Variants in KCNT2 observed in about 807,000 individuals in gnomAD.
KCNT2 encodes potassium sodium-activated channel subfamily T member 2.
Under a neutral mutation model 153.8 loss-of-function variants are expected in KCNT2, and 67 were observed. That is an observed-to-expected ratio of 0.44 (90% CI 0.36 to 0.53). The LOEUF (loss-of-function observed/expected upper bound fraction) is 0.53, where lower values mean the gene tolerates loss of function less well. Among genes scored for constraint, KCNT2 ranks in the 20% least tolerant of loss-of-function variants. KCNT2 has a pLI of 0.00. For missense variants in KCNT2, 975 were observed against 1,354.8 expected (o/e 0.72, Z 4.40); for synonymous variants, 500 against 458.8 (o/e 1.09, Z -1.15).
chr1:196,575,472 C>T (rs889187590), intron 1 of KCNT2, among the ~76,000 whole-genome samples: 2 of 152,036 alleles, frequency 1.3e-5, no homozygotes, highest in Non-Finnish European at 2.9e-5. Flanking sequence ...AATGGGAAAA[C>T]ATTTCAACCA....
chr1:196,422,416 A>G (rs943238080), intron 12 of KCNT2, among the ~76,000 whole-genome samples: 3 of 151,990 alleles, frequency 2.0e-5, no homozygotes, highest in African/African-American at 7.2e-5. Flanking sequence ...AATTTACTGA[A>G]CATAAAATAA....
At chr1:196,531,320 A>G (rs932326652) in intron 1 of KCNT2, among the ~76,000 whole-genome samples, 21 of 152,186 alleles carry the variant, frequency 1.4e-4, no homozygotes, top group African/African-American at 4.6e-4. Context: ...GAGTATTATA[A>G]CATCAAGAAA....
intron 8 of KCNT2, among the ~76,000 whole-genome samples, chr1:196,447,662 C>T (rs1675809665): frequency 6.6e-6 from 1 of 151,524 alleles, no homozygotes; most frequent in Non-Finnish European, 1.5e-5. Flanking sequence ...ATTGAATACT[C>T]AGTGTGAAGA....
intron 14 of KCNT2, among the ~76,000 whole-genome samples, chr1:196,349,195 G>C (rs1666404028): frequency 1.3e-5 from 2 of 152,054 alleles, no homozygotes; most frequent in South Asian, 4.1e-4. Context: ...GATTGCTTGG[G>C]AAAAAGGAAA....
At chr1:196,602,794 T>C (rs1349624124) in intron 1 of KCNT2, among the ~76,000 whole-genome samples, 2 of 140,338 alleles carry the variant, frequency 1.4e-5, no homozygotes, top group Non-Finnish European at 3.1e-5. Flanking sequence ...TTTTTTTTTT[T>C]TTTGAGACGG....
intron 1 of KCNT2, among the ~76,000 whole-genome samples, chr1:196,510,687 T>A (rs1174539562): frequency 6.6e-6 from 1 of 152,202 alleles, no homozygotes; most frequent in Non-Finnish European, 1.5e-5. Context: ...GACATGGAAA[T>A]GTGGCACCCA....
intron 1 of KCNT2, among the ~76,000 whole-genome samples, chr1:196,594,693 T>C (rs757824989): frequency 6.6e-6 from 1 of 152,104 alleles, no homozygotes; most frequent in African/African-American, 2.4e-5. Context: ...ATGTCATTAA[T>C]AACTCTGGCA....
At chr1:196,289,973 T>C (rs143966456) in intron 22 of KCNT2, among the ~76,000 whole-genome samples, 5 of 152,218 alleles carry the variant, frequency 3.3e-5, no homozygotes, top group African/African-American at 1.2e-4. Flanking sequence ...CATGTGCCTT[T>C]CTTGGAAGAA....
chr1:196,327,341 C>T (rs550843802), intron 18 of KCNT2, among the ~76,000 whole-genome samples: 8 of 151,540 alleles, frequency 5.3e-5, no homozygotes, highest in Admixed American at 1.3e-4. Flanking sequence ...ACAAAAAACC[C>T]CTAACTGTCT....
At chr1:196,549,308 G>A (rs1427273998) in intron 1 of KCNT2, among the ~76,000 whole-genome samples, 1 of 151,664 alleles carries the variant, frequency 6.6e-6, no homozygotes, top group Non-Finnish European at 1.5e-5. Flanking sequence ...ATTATGATGT[G>A]GGAAACTTCA....
chr1:196,362,970 G>A (rs760766497), intron 14 of KCNT2, among the ~76,000 whole-genome samples: 7 of 151,898 alleles, frequency 4.6e-5, no homozygotes, highest in Non-Finnish European at 1.0e-4. Flanking sequence ...ACTATTTTAG[G>A]GAGGCATGTC....
chr1:196,559,360 A>G (rs1422681924), intron 1 of KCNT2, among the ~76,000 whole-genome samples: 1 of 151,698 alleles, frequency 6.6e-6, no homozygotes, highest in Admixed American at 6.6e-5. Context: ...CCATGAATAC[A>G]TATATTTCAT....
intron 22 of KCNT2, among the ~76,000 whole-genome samples, chr1:196,304,505 C>T (rs1301678603): frequency 6.6e-6 from 1 of 152,000 alleles, no homozygotes; most frequent in African/African-American, 2.4e-5. Context: ...AGGCACGAGC[C>T]GCCACACCCA....
intron 15 of KCNT2, among the ~76,000 whole-genome samples, 154 bp from the exon 16 acceptor site, chr1:196,340,724 G>A (rs983971892): frequency 1.3e-5 from 2 of 151,998 alleles, no homozygotes; most frequent in Non-Finnish European, 2.9e-5. Context: ...TATGTGCTTA[G>A]TGTGTTGTAA....
chr1:196,512,097 C>T (rs937719508), intron 1 of KCNT2, among the ~76,000 whole-genome samples: 1 of 152,138 alleles, frequency 6.6e-6, no homozygotes, highest in Non-Finnish European at 1.5e-5. Flanking sequence ...CAGTGCTCAT[C>T]GTACTTATTC....
chr1:196,548,327 C>T (rs977585985), intron 1 of KCNT2, among the ~76,000 whole-genome samples: 2 of 151,720 alleles, frequency 1.3e-5, no homozygotes, highest in Non-Finnish European at 2.9e-5. Flanking sequence ...AACAAACAAC[C>T]CCATCAAAAA....
intron 8 of KCNT2, among the ~76,000 whole-genome samples, chr1:196,461,663 G>A (rs191149812): frequency 1.4e-4 from 22 of 151,736 alleles, no homozygotes; most frequent in Admixed American, 1.1e-3. Flanking sequence ...TTTTAGAGAC[G>A]CAGAATGAAT....
Position 196,564,121 on chromosome 1 carries a change from C to T in KCNT2, c.95+44094G>A, listed in dbSNP as rs374003254. Among the ~76,000 whole-genome samples, 19 of 151,824 alleles carry T rather than the reference C, an allele frequency of 1.3e-4. No homozygotes were observed. The East Asian group carries it at 1.6e-3, about 12-fold the overall frequency. On this transcript the variant is annotated intron_variant, in intron 1 of 27. Coordinates refer to ENST00000294725, the MANE Select transcript of KCNT2 (RefSeq NM_198503.5). Reference sequence around the variant, plus strand: ...TATATAGAAAATACAAAAGACCCCACCAAAAAACTTCTGAAAGAACTCAGA... The same window carrying T: ...TATATAGAAAATACAAAAGACCCCATCAAAAAACTTCTGAAAGAACTCAGA...
chr1:196,502,336 G>A (rs560776641), intron 1 of KCNT2, among the ~76,000 whole-genome samples: 1 of 152,218 alleles, frequency 6.6e-6, no homozygotes, highest in Non-Finnish European at 1.5e-5. Context: ...CATAATGAAG[G>A]AAAGATTAAT....
Sources: gnomAD v4.1 joint callset for allele counts (sites outside exome capture counted in the v4.1 genomes callset) on GRCh38, gnomAD v4.1.1 for gene constraint, MANE v1.5 for transcripts, NCBI Gene and HGNC (gene_info 2026-07-23, HGNC 2026-07-21) for gene names.